Variants in DENND2B observed in about 807,000 individuals in gnomAD.
DENND2B encodes DENN domain containing 2B.
DENND2B carries 32 observed loss-of-function variants against 116.0 expected under a neutral mutation model. That is an observed-to-expected ratio of 0.28 (90% CI 0.21 to 0.37). The LOEUF is 0.37. DENND2B is among the 10% of genes least tolerant of loss of function. DENND2B has a pLI of 1.00. For synonymous variants in DENND2B, 588 were observed against 583.9 expected, an observed-to-expected ratio of 1.01 and a Z score of -0.10; for missense variants, 1,276 against 1,477.7, an observed-to-expected ratio of 0.86 and a Z score of 2.24.
At chr11:8,850,377 G>A (rs931669219) in intron 3 of DENND2B, among the ~76,000 whole-genome samples, 1 of 151,526 alleles carries the variant, frequency 6.6e-6, no homozygotes, top group Non-Finnish European at 1.5e-5. Flanking sequence ...TTTAAAAATG[G>A]GCAAAGGACC....
intron 1 of DENND2B, chr11:8,766,778 T>C (rs886846226): frequency 5.4e-6 from 5 of 927,760 alleles, no homozygotes; most frequent in African/African-American, 5.1e-5. Context: ...ACTTTTGTCA[T>C]TTTAGGTGGG....
intron 2 of DENND2B, among the ~76,000 whole-genome samples, chr11:8,859,223 C>T (rs2063303593): frequency 6.6e-6 from 1 of 152,188 alleles, no homozygotes; most frequent in South Asian, 2.1e-4. Context: ...TTCAGGTTAT[C>T]ACTTTCCCTC....
At chr11:8,834,837 G>A (rs553848939) in intron 4 of DENND2B, among the ~76,000 whole-genome samples, 16 of 152,294 alleles carry the variant, frequency 1.1e-4, no homozygotes, top group African/African-American at 3.4e-4. Flanking sequence ...AGCCAGATGC[G>A]CAGACAAGCT....
intron 1 of DENND2B, among the ~76,000 whole-genome samples, chr11:8,892,249 G>C (rs2064043577): frequency 6.6e-6 from 1 of 152,196 alleles, no homozygotes; most frequent in Admixed American, 6.5e-5. Flanking sequence ...GCAGTGTGCA[G>C]AGGGAAACTT....
chr11:8,695,446 G>A lies in DENND2B; in HGVS notation c.3379+17C>T. The A allele has an allele frequency of 6.2e-7, 1 of 1,610,412 alleles. No individual in the cohort carries two copies. Among genetic ancestry groups the A allele is most frequent in the Non-Finnish European group, 8.5e-7 (1 of 1,177,296 alleles). On this transcript the variant is annotated intron_variant, in intron 19 of 19. Coordinates refer to ENST00000313726, the MANE Select transcript of DENND2B (RefSeq NM_213618.2). ...TTCTTGCTGAACATCTATCTCATCA[G>A]TAACAAGGCCACTTACCCAAACCTC...
intron 2 of DENND2B, among the ~76,000 whole-genome samples, chr11:8,734,069 G>A (rs2048556283): frequency 6.6e-6 from 1 of 152,148 alleles, no homozygotes; most frequent in Non-Finnish European, 1.5e-5. Context: ...CACAGAGAAG[G>A]CACCAGTCAC....
chr11:8,821,119 C>CA (rs372858193), intron 4 of DENND2B, among the ~76,000 whole-genome samples: 6,366 of 102,238 alleles, frequency 0.062, 199 homozygotes, highest in African/African-American at 0.12. Context: ...GACTCTGCCT[C>CA]AAAAAAAAAA....
intron 1 of DENND2B, among the ~76,000 whole-genome samples, chr11:8,761,845 A>C (rs970817461): frequency 6.6e-6 from 1 of 152,198 alleles, no homozygotes; most frequent in African/African-American, 2.4e-5. Context: ...CCGTTTTACC[A>C]CAGATAGCTT....
At chr11:8,859,135 G>GT (rs1402270575) in intron 2 of DENND2B, among the ~76,000 whole-genome samples, 1 of 152,132 alleles carries the variant, frequency 6.6e-6, no homozygotes, top group Non-Finnish European at 1.5e-5. Flanking sequence ...CCCCCTGTAT[G>GT]TATCAATAAC....
intron 1 of DENND2B, among the ~76,000 whole-genome samples, chr11:8,788,461 C>T (rs116883543): frequency 0.015 from 2,330 of 152,312 alleles, 30 homozygotes; most frequent in Middle Eastern, 0.071. Context: ...TTGTCTTGCA[C>T]TTTTCTCACC....
intron 1 of DENND2B, chr11:8,757,105 G>A (rs1207926136): frequency 6.6e-6 from 3 of 456,028 alleles, no homozygotes; most frequent in Non-Finnish European, 8.8e-6. Context: ...GGCCCCGAGG[G>A]GCAGTGGAAA....
upstream of DENND2B, chr11:8,811,062 G>A (rs189372885): frequency 1.0e-5 from 4 of 383,440 alleles, no homozygotes; most frequent in East Asian, 3.7e-5. Flanking sequence ...TCCCTGCCAG[G>A]GGGGAGGGAG....
At chr11:8,797,792 CCT>C (rs1158670547) in intron 1 of DENND2B, among the ~76,000 whole-genome samples, 1 of 151,660 alleles carries the variant, frequency 6.6e-6, no homozygotes, top group Non-Finnish European at 1.5e-5. Context: ...ATTCAATGTT[CCT>C]CTCTCTCCCT....
intron 1 of DENND2B, among the ~76,000 whole-genome samples, chr11:8,754,060 CACAA>C (rs2053153094): frequency 6.6e-6 from 1 of 151,984 alleles, no homozygotes; most frequent in African/African-American, 2.4e-5. Flanking sequence ...CACACACACA[CACAA>C]AGGACATGAA....
Position 8,715,679 on chromosome 11 carries a change from G to T in DENND2B, c.1769C>A (p.Pro590His), listed in dbSNP as rs1442663038. 1 of 1,614,212 alleles carries T rather than the reference G, an allele frequency of 6.2e-7. No homozygotes were observed. The highest frequency in any genetic ancestry group is 1.7e-5 in the Admixed American group (1 of 60,032). Reference protein sequence around the residue: ...LLAQLSLPSSPSSLNEDSLST... With the variant: ...LLAQLSLPSSHSSLNEDSLST... The stretch of plus-strand genomic sequence containing the variant: ...GAGGCTGTCTTCATTGAGGCTGGAG[G>T]GTGAGGACGGCAGACTCAGCTGAGC... The change falls in exon 6 of 20, where the codon CCC becomes CAC. Residue 590 changes from proline (P) to histidine (H), a missense_variant. Pro to His is a moderately conservative substitution (Grantham distance 77, BLOSUM62 -2). Coordinates refer to ENST00000313726, the MANE Select transcript of DENND2B (RefSeq NM_213618.2).
chr11:8,870,519 G>A (rs1299902257), intron 2 of DENND2B, among the ~76,000 whole-genome samples: 1 of 151,990 alleles, frequency 6.6e-6, no homozygotes, highest in Non-Finnish European at 1.5e-5. Flanking sequence ...ATGTGTGTGT[G>A]TGTGTGCGCG....
chr11:8,836,070 G>T (rs891605375), intron 4 of DENND2B, among the ~76,000 whole-genome samples: 1 of 151,922 alleles, frequency 6.6e-6, no homozygotes, highest in African/African-American at 2.4e-5. Flanking sequence ...ATATAGGGCC[G>T]GGGATGGTGA....
At chr11:8,860,426 A>G (rs1189960528) in intron 2 of DENND2B, among the ~76,000 whole-genome samples, 1 of 152,172 alleles carries the variant, frequency 6.6e-6, no homozygotes, top group African/African-American at 2.4e-5. Flanking sequence ...TCAAATCAAT[A>G]ACTCAATCCT....
Position 8,718,375 on chromosome 11 carries a change from G to A in DENND2B, c.1478-483C>T, listed in dbSNP as rs903672448. 2.5e-5 allele frequency: 38 copies of A among 1,535,318 alleles called. No homozygotes were observed. The African/African-American group carries it at 2.9e-4, about 12-fold the overall frequency. ...GGGACCTACTTTGGAGGGTGGGCATGGAGGAACTCACAGAACCGTAGGGAG... is the reference window on the plus strand; with the variant it reads ...GGGACCTACTTTGGAGGGTGGGCATAGAGGAACTCACAGAACCGTAGGGAG... On this transcript the variant is annotated intron_variant, in intron 4 of 19. Coordinates refer to ENST00000313726, the MANE Select transcript of DENND2B (RefSeq NM_213618.2).
Sources: gnomAD v4.1 joint callset for allele counts (sites outside exome capture counted in the v4.1 genomes callset) on GRCh38, gnomAD v4.1.1 for gene constraint, MANE v1.5 for transcripts, NCBI Gene and HGNC (gene_info 2026-07-23, HGNC 2026-07-21) for gene names.